Variants in GPHN observed in about 807,000 individuals in gnomAD.
The protein encoded by GPHN is gephyrin.
GPHN carries 17 observed loss-of-function variants against 95.5 expected under a neutral mutation model. The ratio of observed to expected loss-of-function variants is 0.18; its 90% CI spans 0.12 to 0.27. The LOEUF (loss-of-function observed/expected upper bound fraction) is 0.27, where lower values mean the gene tolerates loss of function less well. Ranked by LOEUF, GPHN falls within the 10% of genes least tolerant of loss-of-function variation. GPHN has a pLI of 1.00. For synonymous variants in GPHN, 320 were observed against 322.5 expected, an observed-to-expected ratio of 0.99 and a Z score of 0.08; for missense variants, 660 against 978.1, an observed-to-expected ratio of 0.67 and a Z score of 4.34.
intron 12 of GPHN, among the ~76,000 whole-genome samples, chr14:67,096,345 T>G (rs1200928335): frequency 6.6e-6 from 1 of 152,170 alleles, no homozygotes; most frequent in East Asian, 1.9e-4. Context: ...ATACTAGGCT[T>G]GCCCCAGATG....
In GPHN at chr14:67,104,986, C is replaced by A. The variant is rs1027182234; in HGVS notation, c.1293+4075C>A. ...TGATGTAGGTGTTTATTGCTATAAA[C>A]TTCCCTCTTAATGCTGTTTTTGCTG... On this transcript the variant is annotated intron_variant, in intron 13 of 22. Transcript: ENST00000478722. 5.3e-5 allele frequency among the ~76,000 whole-genome samples: 8 copies of A among 151,904 alleles called. 1 individual carries two copies. The highest frequency in any genetic ancestry group is 2.6e-4 in the Admixed American group (4 of 15,256).
intron 1 of GPHN, among the ~76,000 whole-genome samples, chr14:66,523,167 T>C (rs986427866): frequency 3.3e-5 from 5 of 152,094 alleles, no homozygotes; most frequent in Non-Finnish European, 7.4e-5. Flanking sequence ...CAGACATTCA[T>C]AACAAGTGTA....
At chr14:66,539,056 T>G (rs1432238477) in intron 1 of GPHN, among the ~76,000 whole-genome samples, 1 of 152,284 alleles carries the variant, frequency 6.6e-6, no homozygotes, top group Non-Finnish European at 1.5e-5. Context: ...GATTTTTGAT[T>G]GAAAGACTGT....
chr14:67,264,218 C>G, the GPHN span, among the ~76,000 whole-genome samples: 1 of 152,096 alleles, frequency 6.6e-6, no homozygotes. Context: ...AACCTGTCTC[C>G]TCGTTTGTCA....
chr14:67,359,781 C>T, the GPHN span: 10 of 1,518,422 alleles, frequency 6.6e-6, no homozygotes, highest in African/African-American at 4.1e-5. Flanking sequence ...ACAGTGTCTT[C>T]CTCTACGGGA....
chr14:67,657,399 G>A, the GPHN span, among the ~76,000 whole-genome samples: 5 of 152,126 alleles, frequency 3.3e-5, no homozygotes, highest in Non-Finnish European at 7.3e-5. Flanking sequence ...AGTATCTGGG[G>A]CTTGAGCAAG....
At chr14:66,518,290 T>C (rs2058334932) in intron 1 of GPHN, among the ~76,000 whole-genome samples, 1 of 152,086 alleles carries the variant, frequency 6.6e-6, no homozygotes, top group African/African-American at 2.4e-5. Flanking sequence ...CAGTGAGGTA[T>C]TCTCTTACCC....
At chr14:66,864,194 GC>G (rs1432802209) in intron 4 of GPHN, among the ~76,000 whole-genome samples, 1 of 152,094 alleles carries the variant, frequency 6.6e-6, no homozygotes, top group Non-Finnish European at 1.5e-5. Context: ...TGTACAAATG[GC>G]AAACAGGACT....
At chr14:67,026,894 G>A (rs1301229152) in intron 10 of GPHN, among the ~76,000 whole-genome samples, 1 of 152,044 alleles carries the variant, frequency 6.6e-6, no homozygotes, top group South Asian at 2.1e-4. Context: ...CGCCCACCTC[G>A]GCCTCCCAGA....
At chr14:66,607,301 C>T (rs1272863368) in intron 1 of GPHN, among the ~76,000 whole-genome samples, 1 of 151,680 alleles carries the variant, frequency 6.6e-6, no homozygotes, top group Non-Finnish European at 1.5e-5. Context: ...TGAACCAACC[C>T]TGCATCCAAG....
At chr14:66,997,095 G>C (rs2071857653) in intron 9 of GPHN, among the ~76,000 whole-genome samples, 1 of 152,156 alleles carries the variant, frequency 6.6e-6, no homozygotes, top group Non-Finnish European at 1.5e-5. Flanking sequence ...GCCAGGTGCA[G>C]TGGCTCACAC....
chr14:66,741,535 C>CA (rs1279020075), intron 2 of GPHN, among the ~76,000 whole-genome samples: 1 of 152,080 alleles, frequency 6.6e-6, no homozygotes, highest in African/African-American at 2.4e-5. Flanking sequence ...ATACCAGAGA[C>CA]AAACAACTAT....
At chr14:66,791,648 CT>C (rs1314366938) in intron 3 of GPHN, among the ~76,000 whole-genome samples, 5 of 152,184 alleles carry the variant, frequency 3.3e-5, no homozygotes, top group African/African-American at 9.7e-5. Context: ...TTTTAGCATG[CT>C]AATGCATTAC....
chr14:67,690,255 T>C, the GPHN span: 1 of 1,614,030 alleles, frequency 6.2e-7, no homozygotes, highest in Non-Finnish European at 8.5e-7. Context: ...GGATGTTGGC[T>C]AGCTTGCTGT....
intron 9 of GPHN, among the ~76,000 whole-genome samples, chr14:66,987,149 T>A (rs2071082817): frequency 6.6e-6 from 1 of 152,168 alleles, no homozygotes; most frequent in Non-Finnish European, 1.5e-5. Context: ...TTGTGTATCC[T>A]GATGATATAT....
At chr14:66,683,371 T>TATATATGTTC (rs2067101066) in intron 2 of GPHN, among the ~76,000 whole-genome samples, 2 of 32,850 alleles carry the variant, frequency 6.1e-5, no homozygotes, top group Admixed American at 3.2e-4. Context: ...TATATATATA[T>TATATATGTTC]ATATATATGT....
Position 67,142,236 on chromosome 14 carries a change from C to G in GPHN, c.1749-1126C>G, listed in dbSNP as rs538359993. The stretch of plus-strand genomic sequence containing the variant: ...ATATACTCCTCAAAAAGTATATTTT[C>G]TGTACTGCATCAATTGAAGGGAAAT... On this transcript the variant is annotated intron_variant, in intron 17 of 22. Transcript: ENST00000478722. Among the ~76,000 whole-genome samples, 85 of 152,296 alleles carry G rather than the reference C, an allele frequency of 5.6e-4. 1 individual carries two copies. Among genetic ancestry groups the G allele is most frequent in the Non-Finnish European group, 9.7e-4 (66 of 68,022 alleles).
At chr14:67,151,665 A>G (rs1482454787) in intron 18 of GPHN, among the ~76,000 whole-genome samples, 1 of 152,082 alleles carries the variant, frequency 6.6e-6, no homozygotes, top group Non-Finnish European at 1.5e-5. Flanking sequence ...TTTTTTTGAG[A>G]CAGTGTCTTG....
At chr14:67,159,071 C>G (rs1405219933) in intron 18 of GPHN, among the ~76,000 whole-genome samples, 3 of 152,146 alleles carry the variant, frequency 2.0e-5, no homozygotes, top group Non-Finnish European at 4.4e-5. Flanking sequence ...AACGCACCAG[C>G]TAATGATATT....
Sources: allele counts gnomAD v4.1 joint callset (sites outside exome capture counted in the v4.1 genomes callset), GRCh38; gene constraint gnomAD v4.1.1; transcripts MANE v1.5; gene names NCBI Gene and HGNC (gene_info 2026-07-23, HGNC 2026-07-21).